TKTL1: variants seen among roughly 807,000 people sequenced by gnomAD.
TKTL1 encodes transketolase like 1.
In TKTL1, 1 loss-of-function variant was observed where a neutral mutation model predicts 39.3. The ratio of observed to expected loss-of-function variants is 0.03; its 90% CI spans 0.01 to 0.12. TKTL1 has a LOEUF of 0.12. Ranked by LOEUF, TKTL1 falls within the 10% of genes least tolerant of loss-of-function variation. TKTL1 has a pLI of 1.00. For missense variants in TKTL1, 575 were observed against 509.6 expected, an observed-to-expected ratio of 1.13 and a Z score of -1.24; for synonymous variants, 262 against 193.8, an observed-to-expected ratio of 1.35 and a Z score of -2.92.
rs782451741 is a variant in TKTL1 at position 154,320,971 on chromosome X, G to T, written c.1186+58G>T. On this transcript the variant is annotated intron_variant, in intron 8 of 12. Transcript: ENST00000369915. ...CTTCCTCCTTCACAGAGAAAGATTA[G>T]CATGTGATTGGTTAAACCACGAATT... 199 of 1,128,827 alleles carry T rather than the reference G, an allele frequency of 1.8e-4. 1 individual carries two copies. In the South Asian group the frequency reaches 3.3e-3, roughly 19 times the overall value. 93.0% of individuals were successfully genotyped at this position (1,128,827 alleles called of 1,213,427 possible). A position where few individuals can be genotyped will look rare whatever the true frequency, so the allele number is the denominator to read the frequency against.
intron 7 of TKTL1, among the ~76,000 whole-genome samples, chrX:154,319,318 A>G (rs1231445378): frequency 8.9e-6 from 1 of 112,467 alleles, no homozygotes; most frequent in Non-Finnish European, 1.9e-5. Context: ...CCACCAGCAT[A>G]GTTATTTCAA....
chrX:154,323,248 A>G lies in TKTL1; in HGVS notation c.1228A>G (p.Met410Val), dbSNP rs1330289327. ...CCAGATGGCCCTGGAGGATATAGCC[A>G]TGTTCCGAACCATTCCCAAGTGCAC... Reference protein sequence around the residue: ...ASQMALEDIAMFRTIPKCTIF... With the variant: ...ASQMALEDIAVFRTIPKCTIF... The change falls in exon 9 of 13, where the codon ATG (methionine) becomes GTG (valine). Residue 410 changes from methionine to valine, a missense_variant. Transcript: ENST00000369915. 5.0e-6 allele frequency: 6 copies of G among 1,209,510 alleles called. No homozygotes were observed. Among genetic ancestry groups the G allele is most frequent in the Admixed American group, 2.2e-5 (1 of 45,713 alleles).
At position 154,329,546 on chromosome X, in the gene TKTL1, T is replaced by C; in HGVS notation, c.1649T>C (p.Val550Ala). 1 of 1,211,547 alleles carries C rather than the reference T, an allele frequency of 8.3e-7. No individual in the cohort carries two copies. The highest frequency in any genetic ancestry group is 1.8e-5 in the South Asian group (1 of 56,965). Reference protein sequence around the residue: ...GGIGEAVCAAVSMDPDIQVHS... With the variant: ...GGIGEAVCAAASMDPDIQVHS... ...ATCGGGGAAGCTGTCTGCGCAGCCG[T>C]CTCCATGGATCCTGACATTCAGGTT... Residue 550 changes from valine to alanine, a missense_variant, in exon 13 of 13, where the codon GTC becomes GCC. By Grantham distance (64) the Val-to-Ala change is moderately conservative. Transcript: ENST00000369915.
intron 5 of TKTL1, 76 bp from the exon 6 acceptor site, chrX:154,312,504 G>A: frequency 9.8e-7 from 1 of 1,022,561 alleles, no homozygotes; most frequent in East Asian, 3.1e-5. Context: ...TTTCATCGGG[G>A]TCTGTTTTTC....
In TKTL1 at chrX:154,325,306, C is replaced by T. The variant is rs368347438; in HGVS notation, c.1318-33C>T. 6 of 1,170,727 alleles carry T rather than the reference C, an allele frequency of 5.1e-6. No individual in the cohort carries two copies. In the African/African-American group the frequency reaches 8.9e-5, roughly 17 times the overall value. On this transcript the variant is annotated intron_variant, in intron 9 of 12. Transcript: ENST00000369915. ...TCTGTTGTTGGAAATTCATTGTTTG[C>T]TTTTCTAAACCATGGCTCCATTTAT...
At chrX:154,300,482 C>T (rs782512725) in intron 1 of TKTL1, among the ~76,000 whole-genome samples, 16 of 112,020 alleles carry the variant, frequency 1.4e-4, no homozygotes, top group African/African-American at 2.3e-4. Context: ...CTGTCTTTCA[C>T]CTCCTTGGTT....
intron 10 of TKTL1, 108 bp downstream of exon 10, chrX:154,325,530 C>T: frequency 1.4e-6 from 1 of 715,009 alleles, no homozygotes; most frequent in South Asian, 2.8e-5. Context: ...CCTTTCTTTG[C>T]TCTCATTTTT....
chrX:154,307,212 T>C (rs1030786065), intron 2 of TKTL1, among the ~76,000 whole-genome samples: 3 of 110,115 alleles, frequency 2.7e-5, no homozygotes, highest in African/African-American at 9.9e-5. Flanking sequence ...AGCAAGACCC[T>C]GTCTCAAAAA....
At chrX:154,306,252 T>C (rs782135563) in intron 2 of TKTL1, among the ~76,000 whole-genome samples, 1 of 111,880 alleles carries the variant, frequency 8.9e-6, no homozygotes, top group East Asian at 2.8e-4. Flanking sequence ...GAGGTTACAG[T>C]GAGCCGAGAT....
chrX:154,306,125 A>G (rs1454595465), intron 2 of TKTL1, among the ~76,000 whole-genome samples: 3 of 106,706 alleles, frequency 2.8e-5, no homozygotes, highest in South Asian at 4.0e-4. Context: ...TGGTCAACAT[A>G]GCAAAACTCC....
intron 12 of TKTL1, among the ~76,000 whole-genome samples, chrX:154,328,846 CA>C (rs1385229664): frequency 8.1e-5 from 9 of 111,066 alleles, no homozygotes; most frequent in Non-Finnish European, 1.9e-5. Flanking sequence ...GGAAAGGGTG[CA>C]GGGGGGGATC....
intron 12 of TKTL1, 83 bp from the exon 13 acceptor site, chrX:154,329,433 C>T (rs1277185879): frequency 5.1e-6 from 5 of 987,745 alleles, no homozygotes; most frequent in Admixed American, 5.0e-5. Flanking sequence ...TGGGAAGCTG[C>T]AGATTCAAAG....
chrX:154,298,377 C>T (rs1466140343), intron 1 of TKTL1, among the ~76,000 whole-genome samples: 3 of 111,588 alleles, frequency 2.7e-5, no homozygotes, highest in Non-Finnish European at 5.6e-5. Flanking sequence ...CCACCATGCC[C>T]TGCCCATCTA....
At chrX:154,327,360 C>T in intron 10 of TKTL1, 1 of 544,869 alleles carries the variant, frequency 1.8e-6, no homozygotes, top group Non-Finnish European at 3.4e-6. Flanking sequence ...TCAAACCAGA[C>T]TCCTGATGGG....
At chrX:154,321,928 C>T (rs1182833525) in intron 8 of TKTL1, among the ~76,000 whole-genome samples, 7 of 109,450 alleles carry the variant, frequency 6.4e-5, no homozygotes, top group Admixed American at 9.9e-5. Flanking sequence ...GGTCCTTGAG[C>T]CCACCTGTGG....
chrX:154,310,860 T>C lies in TKTL1; in HGVS notation c.375T>C (p.Ser125=), dbSNP rs2067351406. The part of the protein sequence containing the change: ...RASYRVFCLM[S]DGESSEGSVW... Reference sequence around the variant, plus strand: ...GCTACCGGGTGTTCTGCCTCATGAGTGATGGCGAGTCCTCAGAAGGCTCTG... The same window carrying C: ...GCTACCGGGTGTTCTGCCTCATGAGCGATGGCGAGTCCTCAGAAGGCTCTG... The change falls in exon 4 of 13, where the codon AGT becomes AGC. Residue 125 remains serine (S), a synonymous_variant. Coordinates refer to ENST00000369915, the MANE Select transcript of TKTL1 (RefSeq NM_012253.4). 2 of 1,211,063 alleles carry C rather than the reference T, an allele frequency of 1.7e-6. No homozygotes were observed. Among genetic ancestry groups the C allele is most frequent in the South Asian group, 1.8e-5 (1 of 56,928 alleles).
chrX:154,326,314 T>C lies in TKTL1; in HGVS notation c.1401+892T>C, dbSNP rs782337487. ...ATGCATAGAGAAAAGCAGAAACGTC[T>C]ATGGAGAAAATAAGTGACTCTGCTC... On this transcript the variant is annotated intron_variant, in intron 10 of 12. Transcript: ENST00000369915. Among the ~76,000 whole-genome samples, 30 of 112,060 alleles carry C rather than the reference T, an allele frequency of 2.7e-4. 1 individual carries two copies. The highest frequency in any genetic ancestry group is 9.7e-4 in the African/African-American group (30 of 30,868).
chrX:154,308,512 C>T (rs1056179733), intron 2 of TKTL1, among the ~76,000 whole-genome samples: 2 of 111,949 alleles, frequency 1.8e-5, no homozygotes, highest in Non-Finnish European at 3.8e-5. Context: ...TTTTAACAGG[C>T]TCCCCCTTGT....
intron 2 of TKTL1, 144 bp downstream of exon 2, chrX:154,305,565 C>G (rs1208916413): frequency 4.2e-6 from 3 of 714,217 alleles, no homozygotes; most frequent in South Asian, 3.2e-5. Flanking sequence ...CTCGAGTGTT[C>G]TAGTGAGGGC....
Sources: gnomAD v4.1 joint callset for allele counts (sites outside exome capture counted in the v4.1 genomes callset) on GRCh38, gnomAD v4.1.1 for gene constraint, MANE v1.5 for transcripts, NCBI Gene and HGNC (gene_info 2026-07-23, HGNC 2026-07-21) for gene names.